The following ADAM12 variants were observed in gnomAD, a reference collection of about 807,000 sequenced individuals.
ADAM12 encodes the protein ADAM metallopeptidase domain 12.
A neutral mutation model predicts 106.4 loss-of-function variants in ADAM12; 70 were observed. The observed-to-expected ratio is 0.66, with a 90% CI of 0.54 to 0.80. The LOEUF is 0.80. Among genes scored for constraint, ADAM12 ranks in the 30% least tolerant of loss-of-function variants. ADAM12 has a pLI of 0.00. For missense variants in ADAM12, 1,010 were observed against 1,171.9 expected, an observed-to-expected ratio of 0.86 and a Z score of 2.02; for synonymous variants, 420 against 433.5, an observed-to-expected ratio of 0.97 and a Z score of 0.39.
At chr10:126,071,435 A>G (rs1335684011) in intron 12 of ADAM12, 42 bp downstream of exon 12, 2 of 1,605,056 alleles carry the variant, frequency 1.2e-6, no homozygotes, top group Non-Finnish European at 1.7e-6. Flanking sequence ...CTAGCCGAGG[A>G]TACAAGTCTT....
intron 3 of ADAM12, among the ~76,000 whole-genome samples, chr10:126,220,789 T>C (rs1347253613): frequency 1.3e-5 from 2 of 152,216 alleles, no homozygotes; most frequent in African/African-American, 2.4e-5. Flanking sequence ...TGTCACCTAT[T>C]AGGAGCCGCT....
intron 3 of ADAM12, among the ~76,000 whole-genome samples, chr10:126,222,007 A>T (rs1217541686): frequency 6.6e-6 from 1 of 152,178 alleles, no homozygotes; most frequent in African/African-American, 2.4e-5. Flanking sequence ...GTCCATCAGA[A>T]GTCCCCCTCT....
chr10:126,080,538 G>T (rs1847390062), intron 11 of ADAM12, among the ~76,000 whole-genome samples: 3 of 151,922 alleles, frequency 2.0e-5, no homozygotes, highest in Admixed American at 1.3e-4. Context: ...GGAAAAAAAA[G>T]TGCTGCTTTC....
chr10:126,020,827 C>T (rs1325735187), intron 21 of ADAM12, among the ~76,000 whole-genome samples: 1 of 151,834 alleles, frequency 6.6e-6, no homozygotes, highest in Non-Finnish European at 1.5e-5. Flanking sequence ...TCCGTCTCTA[C>T]TAAAAATACC....
At chr10:126,228,721 T>G (rs1323594004) in intron 3 of ADAM12, among the ~76,000 whole-genome samples, 2 of 152,214 alleles carry the variant, frequency 1.3e-5, no homozygotes, top group Non-Finnish European at 2.9e-5. Context: ...AGGGGTGGAC[T>G]TTAAATTCAT....
intron 2 of ADAM12, among the ~76,000 whole-genome samples, chr10:126,321,065 CCTCGGGT>C (rs1431387110): frequency 6.6e-6 from 1 of 152,134 alleles, no homozygotes; most frequent in African/African-American, 2.4e-5. Context: ...GGGAACCTGA[CCTCGGGT>C]CTCAAAGACA....
chr10:126,261,835 C>T (rs1322190370), intron 3 of ADAM12, among the ~76,000 whole-genome samples: 1 of 146,168 alleles, frequency 6.8e-6, no homozygotes, highest in African/African-American at 2.5e-5. Flanking sequence ...TGGAGTCTCG[C>T]TGTGTCACCC....
At chr10:126,023,969 C>T (rs563007096) in intron 21 of ADAM12, among the ~76,000 whole-genome samples, 1 of 150,216 alleles carries the variant, frequency 6.7e-6, no homozygotes, top group South Asian at 2.1e-4. Context: ...ATAGAAACTT[C>T]AGCAGTAACA....
intron 1 of ADAM12, among the ~76,000 whole-genome samples, chr10:126,370,024 G>T (rs1856055327): frequency 6.6e-6 from 1 of 152,192 alleles, no homozygotes; most frequent in Non-Finnish European, 1.5e-5. Context: ...AGAGAATACT[G>T]ATTAGGAAAA....
At chr10:126,118,413 A>T (rs3740205) in intron 5 of ADAM12, among the ~76,000 whole-genome samples, 189 bp from the exon 6 acceptor site, 5,957 of 152,272 alleles carry the variant, frequency 0.039, 252 homozygotes, top group East Asian at 0.15. Flanking sequence ...AATCTTTTGG[A>T]AAGTTAGCCT....
rs1467075942 is a variant in ADAM12 at position 126,279,060 on chromosome 10, C to T, written c.187-72G>A. On this transcript the variant is annotated intron_variant, in intron 2 of 22. Transcript: ENST00000448723. ...TTTGCAAATAGCTGAATAAGACCCACAGGCGTAGTCAAATGAGGGAATAAA... is the reference window on the plus strand; with the variant it reads ...TTTGCAAATAGCTGAATAAGACCCATAGGCGTAGTCAAATGAGGGAATAAA... 4 of 1,137,168 alleles carry T rather than the reference C, an allele frequency of 3.5e-6. No individual in the cohort carries two copies. The African/African-American group carries it at 4.6e-5, about 13-fold the overall frequency. The allele number at this position is 1,137,168 out of a possible 1,614,324, so 70.4% of individuals were successfully genotyped here. A position where few individuals can be genotyped will look rare whatever the true frequency, so the allele number is the denominator to read the frequency against.
intron 3 of ADAM12, among the ~76,000 whole-genome samples, chr10:126,240,820 G>C (rs926562549): frequency 6.6e-6 from 1 of 152,334 alleles, no homozygotes; most frequent in South Asian, 2.1e-4. Flanking sequence ...AGGAGACGCC[G>C]GGTCCTTCTG....
Position 126,015,229 on chromosome 10 carries a change from C to T in ADAM12, c.*2050G>A, listed in dbSNP as rs886941194. 2 of 152,086 alleles carry T rather than the reference C, an allele frequency of 1.3e-5. No homozygotes were observed. Among genetic ancestry groups the T allele is most frequent in the African/African-American group, 4.8e-5 (2 of 41,406 alleles). 9.4% of individuals were successfully genotyped at this position (152,086 alleles called of 1,614,324 possible). A position where few individuals can be genotyped will look rare whatever the true frequency, so the allele number is the denominator to read the frequency against. On this transcript the variant is annotated 3_prime_UTR_variant, in exon 23 of 23. Transcript: ENST00000448723. ...CTCTCCTGGCTCTCTGAAATAGAAG[C>T]ATAGGAATTACAGCTAAGAACAAAC...
intron 14 of ADAM12, among the ~76,000 whole-genome samples, chr10:126,061,861 A>G (rs569102472): frequency 6.6e-6 from 1 of 152,322 alleles, no homozygotes; most frequent in Admixed American, 6.5e-5. Flanking sequence ...AAGCATTTAT[A>G]AGCCATTAAG....
intron 1 of ADAM12, among the ~76,000 whole-genome samples, chr10:126,386,912 G>A (rs1010796100): frequency 6.6e-6 from 1 of 152,186 alleles, no homozygotes; most frequent in African/African-American, 2.4e-5. Flanking sequence ...ATTGCTTTGT[G>A]CAATCTTTGT....
At chr10:126,230,492 G>T (rs904995844) in intron 3 of ADAM12, among the ~76,000 whole-genome samples, 5 of 152,060 alleles carry the variant, frequency 3.3e-5, no homozygotes, top group Non-Finnish European at 7.4e-5. Context: ...TCTACCAAAG[G>T]GTGTATCCAT....
At chr10:126,294,990 A>G (rs1203205170) in intron 2 of ADAM12, among the ~76,000 whole-genome samples, 3 of 152,050 alleles carry the variant, frequency 2.0e-5, no homozygotes, top group Non-Finnish European at 2.9e-5. Context: ...TGGAATAAGG[A>G]AATCCAAAAA....
intron 3 of ADAM12, among the ~76,000 whole-genome samples, chr10:126,155,843 T>C (rs530624284): frequency 1.1e-4 from 16 of 152,188 alleles, no homozygotes; most frequent in African/African-American, 3.4e-4. Context: ...AGAACAGCAA[T>C]GAAATGCTAA....
At chr10:126,183,123 G>A (rs2133787663) in intron 3 of ADAM12, among the ~76,000 whole-genome samples, 1 of 152,272 alleles carries the variant, frequency 6.6e-6, no homozygotes, top group African/African-American at 2.4e-5. Context: ...AGAACCTAAG[G>A]CCTGGTGATC....
Sources: allele counts gnomAD v4.1 joint callset (sites outside exome capture counted in the v4.1 genomes callset), GRCh38; gene constraint gnomAD v4.1.1; transcripts MANE v1.5; gene names NCBI Gene and HGNC (gene_info 2026-07-23, HGNC 2026-07-21).